Variants in FGGY observed in about 807,000 individuals in gnomAD.
FGGY encodes the protein FGGY carbohydrate kinase domain containing.
Under a neutral mutation model 71.3 loss-of-function variants are expected in FGGY, and 72 were observed. The observed-to-expected ratio is 1.01, with a 90% confidence interval of 0.84 to 1.23. The LOEUF is 1.23. FGGY is among the 50% of genes most tolerant of loss of function. FGGY has a pLI of 0.00. For missense variants in FGGY, 668 were observed against 682.3 expected, an observed-to-expected ratio of 0.98 and a Z score of 0.23; for synonymous variants, 251 against 250.3, an observed-to-expected ratio of 1.00 and a Z score of -0.02.
intron 3 of FGGY, among the ~76,000 whole-genome samples, chr1:59,341,440 A>G (rs569307097): frequency 6.6e-6 from 1 of 152,318 alleles, no homozygotes; most frequent in Admixed American, 6.5e-5. Context: ...CATAATCACT[A>G]TGTGCTGAAA....
At chr1:59,435,316 C>T (rs1425809727) in intron 5 of FGGY, among the ~76,000 whole-genome samples, 1 of 152,184 alleles carries the variant, frequency 6.6e-6, no homozygotes, top group Non-Finnish European at 1.5e-5. Context: ...AAAGGAAACA[C>T]AGAAGCCCCC....
intron 7 of FGGY, among the ~76,000 whole-genome samples, chr1:59,531,557 C>T (rs1289081743): frequency 2.0e-5 from 3 of 152,164 alleles, no homozygotes; most frequent in Non-Finnish European, 4.4e-5. Context: ...TCAACATTTC[C>T]ACCCTTTTAT....
intron 5 of FGGY, among the ~76,000 whole-genome samples, chr1:59,455,563 C>T (rs185173018): frequency 1.3e-5 from 2 of 152,160 alleles, no homozygotes; most frequent in East Asian, 1.9e-4. Context: ...GAAGTTAGAG[C>T]GTAGCAATTG....
At chr1:59,475,092 C>T (rs1313358347) in intron 6 of FGGY, among the ~76,000 whole-genome samples, 3 of 152,172 alleles carry the variant, frequency 2.0e-5, no homozygotes, top group Admixed American at 1.3e-4. Context: ...GACCATAACC[C>T]CTTGAATAAT....
chr1:59,629,033 C>T (rs1031938500), intron 10 of FGGY, among the ~76,000 whole-genome samples: 3 of 152,002 alleles, frequency 2.0e-5, no homozygotes, highest in African/African-American at 4.8e-5. Flanking sequence ...ATAAAAATTA[C>T]TGTTGGGGAA....
At chr1:59,700,847 C>T (rs1056004139) in intron 14 of FGGY, among the ~76,000 whole-genome samples, 1 of 152,110 alleles carries the variant, frequency 6.6e-6, no homozygotes, top group Non-Finnish European at 1.5e-5. Flanking sequence ...GAGAGAGGCC[C>T]TCCTGAGGAA....
At chr1:59,416,389 C>T (rs1011459623) in intron 5 of FGGY, among the ~76,000 whole-genome samples, 4 of 150,376 alleles carry the variant, frequency 2.7e-5, no homozygotes, top group African/African-American at 9.8e-5. Context: ...TTAGTGGGGG[C>T]GATAGTGAAA....
At chr1:59,691,147 T>C (rs1418464103) in intron 14 of FGGY, among the ~76,000 whole-genome samples, 1 of 152,234 alleles carries the variant, frequency 6.6e-6, no homozygotes, top group African/African-American at 2.4e-5. Context: ...CTTTCCCCAC[T>C]GCCTGGCAGC....
chr1:59,710,761 T>A (rs2097788230), intron 14 of FGGY, among the ~76,000 whole-genome samples: 1 of 152,108 alleles, frequency 6.6e-6, no homozygotes, highest in Non-Finnish European at 1.5e-5. Context: ...CAACACCAGT[T>A]GGAATGGTGA....
At chr1:59,505,042 AAC>A (rs1416763316) in intron 6 of FGGY, among the ~76,000 whole-genome samples, 1 of 152,210 alleles carries the variant, frequency 6.6e-6, no homozygotes, top group African/African-American at 2.4e-5. Flanking sequence ...GAAAAAATAA[AAC>A]ACAACGTAAG....
chr1:59,502,504 T>G (rs2094256659), intron 6 of FGGY, among the ~76,000 whole-genome samples: 1 of 152,168 alleles, frequency 6.6e-6, no homozygotes, highest in East Asian at 1.9e-4. Flanking sequence ...GATTTCAAGC[T>G]AAAAAGACTA....
rs566312013 is a variant in FGGY at position 59,529,638 on chromosome 1, T to C, written c.799+17199T>C. ...GATATAATGATCAAATAGGTGGAGA[T>C]AGATTGGGAGTCTGTCCCATCTGAG... On this transcript the variant is annotated intron_variant, in intron 7 of 15. Coordinates refer to ENST00000303721, the MANE Select transcript of FGGY (RefSeq NM_018291.5). Among the ~76,000 whole-genome samples, 31 of 152,358 alleles carry C rather than the reference T, an allele frequency of 2.0e-4. No individual in the cohort carries two copies. In the South Asian group the frequency reaches 3.7e-3, roughly 18 times the overall value.
intron 6 of FGGY, among the ~76,000 whole-genome samples, chr1:59,460,719 C>A (rs956590912): frequency 2.0e-5 from 3 of 152,176 alleles, no homozygotes; most frequent in Non-Finnish European, 4.4e-5. Context: ...AAGGATCAGG[C>A]AGCAATATTT....
intron 5 of FGGY, among the ~76,000 whole-genome samples, chr1:59,418,963 TG>T (rs1353123829): frequency 6.6e-6 from 1 of 152,112 alleles, no homozygotes; most frequent in African/African-American, 2.4e-5. Flanking sequence ...TAGAAAAGTA[TG>T]GAAGCCAGAA....
chr1:59,370,050 C>A (rs1239813086), intron 4 of FGGY, among the ~76,000 whole-genome samples: 1 of 152,120 alleles, frequency 6.6e-6, no homozygotes, highest in African/African-American at 2.4e-5. Flanking sequence ...AGCAATGGAA[C>A]AAAGCTGGAT....
chr1:59,663,843 A>C (rs1458944792), intron 12 of FGGY, among the ~76,000 whole-genome samples: 1 of 152,204 alleles, frequency 6.6e-6, no homozygotes, highest in East Asian at 1.9e-4. Flanking sequence ...GGGAAAAAAA[A>C]ATGTTGTTTC....
intron 7 of FGGY, among the ~76,000 whole-genome samples, chr1:59,552,646 A>G (rs1027234412): frequency 6.6e-6 from 1 of 152,172 alleles, no homozygotes; most frequent in Non-Finnish European, 1.5e-5. Context: ...TAACTTCTGC[A>G]GAATTGAGTA....
chr1:59,389,357 A>AT (rs1166455996), intron 5 of FGGY, among the ~76,000 whole-genome samples: 4 of 152,204 alleles, frequency 2.6e-5, no homozygotes, highest in Non-Finnish European at 5.9e-5. Context: ...TTCACTTAAC[A>AT]TAATGTTTTC....
intron 8 of FGGY, among the ~76,000 whole-genome samples, chr1:59,568,464 C>G (rs868640198): frequency 2.7e-3 from 159 of 59,274 alleles, no homozygotes; most frequent in Middle Eastern, 0.019. Flanking sequence ...GTCGGGGGGG[C>G]GGGGGGGGGT....
Sources: allele counts gnomAD v4.1 joint callset (sites outside exome capture counted in the v4.1 genomes callset), GRCh38; gene constraint gnomAD v4.1.1; transcripts MANE v1.5; gene names NCBI Gene and HGNC (gene_info 2026-07-23, HGNC 2026-07-21).